SLC25A42: variants seen among roughly 807,000 people sequenced by gnomAD.
SLC25A42 encodes the protein solute carrier family 25 member 42.
In SLC25A42, 19 loss-of-function variants were observed where a neutral mutation model predicts 34.7. That is an observed-to-expected ratio of 0.55 (90% CI 0.38 to 0.80). The LOEUF is 0.80. Among genes scored for constraint, SLC25A42 ranks in the 30% least tolerant of loss-of-function variants. The pLI, the probability that SLC25A42 is intolerant of heterozygous loss-of-function variation, is 0.00. For missense variants in SLC25A42, 364 were observed against 441.3 expected (o/e 0.82, Z 1.57); for synonymous variants, 205 against 191.2 (o/e 1.07, Z -0.59).
chr19:19,065,355 ACT>A (rs1263701605), intron 1 of SLC25A42, among the ~76,000 whole-genome samples: 11 of 151,608 alleles, frequency 7.3e-5, no homozygotes, highest in Admixed American at 3.9e-4. Context: ...GTAAGGAAAC[ACT>A]CTTTAGAGTG....
At chr19:19,108,742 A>T (rs2059847700) in intron 7 of SLC25A42, among the ~76,000 whole-genome samples, 1 of 152,230 alleles carries the variant, frequency 6.6e-6, no homozygotes, top group South Asian at 2.1e-4. Flanking sequence ...CTGCCACTGC[A>T]TGTGAACAGG....
chr19:19,104,918 T>G lies in SLC25A42; in HGVS notation c.193T>G (p.Ser65Ala), dbSNP rs947589044. Residue 65 changes from serine (S) to alanine (A), a missense_variant, in exon 4 of 8, where the codon TCA becomes GCA. Transcript: ENST00000318596. ...TGTGCTTTTGTTTTTTCCAGTGTCT[T>G]CAAAAAGATTTTCTGCCAAGGTGAG... is the stretch of plus-strand genomic sequence containing the variant. ...DRTKIIFQVS[S>A]KRFSAKEAFR... 9 of 1,614,030 alleles carry G rather than the reference T, an allele frequency of 5.6e-6. No individual in the cohort carries two copies. Among genetic ancestry groups the G allele is most frequent in the Admixed American group, 3.3e-5 (2 of 60,008 alleles).
chr19:19,070,026 C>T (rs2059620864), intron 1 of SLC25A42, among the ~76,000 whole-genome samples: 1 of 152,068 alleles, frequency 6.6e-6, no homozygotes, highest in Non-Finnish European at 1.5e-5. Flanking sequence ...CAGAGTCTTG[C>T]TCTATCGCCC....
chr19:19,069,095 CACCCA>C (rs968924772), intron 1 of SLC25A42, among the ~76,000 whole-genome samples: 2 of 151,824 alleles, frequency 1.3e-5, no homozygotes, highest in African/African-American at 4.8e-5. Flanking sequence ...ATAAAATTAG[CACCCA>C]ACTCAGGAAG....
chr19:19,064,697 A>G (rs548186093), intron 1 of SLC25A42, among the ~76,000 whole-genome samples: 1 of 138,524 alleles, frequency 7.2e-6, no homozygotes, highest in African/African-American at 2.8e-5. Flanking sequence ...CTGCCCTGGC[A>G]GCCCCACACC....
chr19:19,112,300 C>A lies in SLC25A42; in HGVS notation c.*1424C>A, dbSNP rs1364941861. ...CCCTTCCTTCTGTCCTCCTCCTGTT[C>A]TTGCCTTGGACCTGCAGGTGTGCAG... is the stretch of plus-strand genomic sequence containing the variant. On this transcript the variant is annotated 3_prime_UTR_variant, in exon 8 of 8. Coordinates refer to ENST00000318596, the MANE Select transcript of SLC25A42 (RefSeq NM_178526.5). The surrounding 1 kb of genome is among the most constrained non-coding windows in gnomAD (Gnocchi z 4.3). The A allele has an allele frequency of 6.6e-6, 1 of 152,600 alleles. No individual in the cohort carries two copies. Among genetic ancestry groups the A allele is most frequent in the East Asian group, 1.9e-4 (1 of 5,202 alleles). 9.5% of individuals were successfully genotyped at this position (152,600 alleles called of 1,614,324 possible).
At chr19:19,088,953 A>G (rs1328866223) in intron 1 of SLC25A42, among the ~76,000 whole-genome samples, 12 of 151,968 alleles carry the variant, frequency 7.9e-5, no homozygotes, top group Admixed American at 5.9e-4. Flanking sequence ...GACTACAGGC[A>G]TGCACCACCA....
intron 1 of SLC25A42, among the ~76,000 whole-genome samples, chr19:19,088,797 CT>C (rs556351502): frequency 4.8e-5 from 7 of 146,792 alleles, no homozygotes; most frequent in East Asian, 4.0e-4. Context: ...TGCGCCCGGC[CT>C]TTTTTTTTTC....
chr19:19,097,715 C>A (rs1419469505), intron 2 of SLC25A42, among the ~76,000 whole-genome samples: 2 of 152,220 alleles, frequency 1.3e-5, no homozygotes, highest in African/African-American at 4.8e-5. Context: ...GTAATCCCTG[C>A]ACTCTGGGAG....
Position 19,111,976 on chromosome 19 carries a change from G to A in SLC25A42, c.*1100G>A, listed in dbSNP as rs2059868257. On this transcript the variant is annotated 3_prime_UTR_variant, in exon 8 of 8. Coordinates refer to ENST00000318596, the MANE Select transcript of SLC25A42 (RefSeq NM_178526.5). ...GTGAGGAAAATCTGAGGTACCCAGG[G>A]GAACCCCCAGCTAACTGGTCTCTCA... 1 of 152,164 alleles carries A rather than the reference G, an allele frequency of 6.6e-6. No homozygotes were observed. The allele number at this position is 152,164 out of a possible 1,614,324, so 9.4% of individuals were successfully genotyped here. A position where few individuals can be genotyped will look rare whatever the true frequency, so the allele number is the denominator to read the frequency against.
intron 1 of SLC25A42, among the ~76,000 whole-genome samples, chr19:19,091,466 A>T (rs1599677799): frequency 1.3e-5 from 2 of 152,172 alleles, no homozygotes; most frequent in East Asian, 3.9e-4. Context: ...CTCAAAAGTA[A>T]AATAAAATAA....
At chr19:19,068,779 A>C (rs1239976940) in intron 1 of SLC25A42, among the ~76,000 whole-genome samples, 8 of 152,104 alleles carry the variant, frequency 5.3e-5, no homozygotes, top group Non-Finnish European at 1.2e-4. Flanking sequence ...CGGAGGTTGC[A>C]GTGAGCTGAG....
At chr19:19,108,343 G>A (rs1044462757) in intron 7 of SLC25A42, among the ~76,000 whole-genome samples, 1 of 152,154 alleles carries the variant, frequency 6.6e-6, no homozygotes, top group Non-Finnish European at 1.5e-5. Flanking sequence ...TTGAGGTCAG[G>A]AGTTGCAGAC....
At chr19:19,095,600 G>C (rs1694731993) in intron 1 of SLC25A42, among the ~76,000 whole-genome samples, 1 of 152,218 alleles carries the variant, frequency 6.6e-6, no homozygotes. Context: ...GTGACAGAGT[G>C]AGACTCCGTC....
chr19:19,102,016 T>G, intron 3 of SLC25A42, 130 bp downstream of exon 3: 1 of 616,024 alleles, frequency 1.6e-6, no homozygotes, highest in South Asian at 2.3e-5. Context: ...TTTTTGTTGT[T>G]TTTTTTTTTT....
chr19:19,106,074 C>T (rs537237117), intron 5 of SLC25A42, 195 bp from the exon 6 acceptor site: 1 of 573,404 alleles, frequency 1.7e-6, no homozygotes, highest in East Asian at 2.9e-5. Flanking sequence ...GGGAAGGCAG[C>T]CATGTAAACC....
chr19:19,102,907 G>T (rs1242370930), intron 3 of SLC25A42, among the ~76,000 whole-genome samples: 1 of 152,082 alleles, frequency 6.6e-6, no homozygotes, highest in Non-Finnish European at 1.5e-5. Context: ...TGAAGTGAAG[G>T]TGTGGGCAGG....
chr19:19,110,244 G>A (rs113015641), intron 7 of SLC25A42, among the ~76,000 whole-genome samples: 5,494 of 152,184 alleles, frequency 0.036, 358 homozygotes, highest in African/African-American at 0.13. Flanking sequence ...TACTTTGGAG[G>A]CTGAGACAGA....
chr19:19,089,955 G>A (rs920060140), intron 1 of SLC25A42, among the ~76,000 whole-genome samples: 2 of 152,226 alleles, frequency 1.3e-5, no homozygotes, highest in Non-Finnish European at 2.9e-5. Flanking sequence ...TGTTCCACTG[G>A]GGGTCCCTGG....
Sources: gnomAD v4.1 joint callset for allele counts (sites outside exome capture counted in the v4.1 genomes callset) on GRCh38, gnomAD v4.1.1 for gene constraint, Gnocchi (gnomAD v3.1) non-coding constraint, MANE v1.5 for transcripts, NCBI Gene and HGNC (gene_info 2026-07-23, HGNC 2026-07-21) for gene names.